The following SYN2 variants were observed in gnomAD, a reference collection of about 807,000 sequenced individuals.
SYN2 encodes the protein synapsin-2.
Under a neutral mutation model 50.9 loss-of-function variants are expected in SYN2, and 19 were observed. That is an observed-to-expected ratio of 0.37 (90% confidence interval 0.26 to 0.55). SYN2 has a LOEUF of 0.55. Ranked by LOEUF, SYN2 falls within the 20% of genes least tolerant of loss-of-function variation. The pLI, the probability that SYN2 is intolerant of heterozygous loss-of-function variation, is 0.81. For missense variants in SYN2, 587 were observed against 576.4 expected, an observed-to-expected ratio of 1.02 and a Z score of -0.19; for synonymous variants, 255 against 224.9, an observed-to-expected ratio of 1.13 and a Z score of -1.20.
intron 1 of SYN2, among the ~76,000 whole-genome samples, chr3:12,134,058 T>G (rs1416954266): frequency 6.6e-6 from 1 of 152,164 alleles, no homozygotes; most frequent in Non-Finnish European, 1.5e-5. Context: ...GTGAATACCA[T>G]TGAAGTGTAT....
intron 1 of SYN2, among the ~76,000 whole-genome samples, chr3:12,067,098 C>T (rs1456341540): frequency 6.6e-6 from 1 of 152,116 alleles, no homozygotes; most frequent in South Asian, 2.1e-4. Context: ...GGGTCCCTCC[C>T]ACGACATGTG....
intron 1 of SYN2, among the ~76,000 whole-genome samples, chr3:12,107,330 G>A (rs1373046053): frequency 3.3e-5 from 5 of 152,134 alleles, no homozygotes; most frequent in African/African-American, 9.7e-5. Context: ...TAATGCTAAT[G>A]TTTTTCTTCC....
intron 1 of SYN2, among the ~76,000 whole-genome samples, chr3:12,135,911 C>A (rs1189434417): frequency 6.6e-6 from 1 of 152,108 alleles, no homozygotes; most frequent in Non-Finnish European, 1.5e-5. Context: ...AGGCCTAGAG[C>A]ATATAATCAA....
intron 1 of SYN2, among the ~76,000 whole-genome samples, chr3:12,089,763 G>A (rs547710300): frequency 2.6e-5 from 4 of 152,290 alleles, no homozygotes; most frequent in Non-Finnish European, 4.4e-5. Flanking sequence ...GGGGAGTCAA[G>A]GGAAGATAAT....
At chr3:12,102,403 A>G (rs1279251828) in intron 1 of SYN2, among the ~76,000 whole-genome samples, 3 of 152,176 alleles carry the variant, frequency 2.0e-5, no homozygotes, top group South Asian at 2.1e-4. Context: ...GAGTCAGGCA[A>G]TAACAGAATA....
At chr3:12,114,116 C>CTT (rs879363432) in intron 1 of SYN2, among the ~76,000 whole-genome samples, 2 of 144,546 alleles carry the variant, frequency 1.4e-5, no homozygotes, top group Non-Finnish European at 3.1e-5. Context: ...AATAGTCCAT[C>CTT]TTTTTTTTTT....
Position 12,054,726 on chromosome 3 carries a change from A to G in SYN2, c.377+49798A>G, listed in dbSNP as rs547362626. Among the ~76,000 whole-genome samples, 87 of 145,238 alleles carry G rather than the reference A, an allele frequency of 6.0e-4. No individual in the cohort carries two copies. The Middle Eastern group carries it at 0.01, about 18-fold the overall frequency. On this transcript the variant is annotated intron_variant, in intron 1 of 12. Transcript: ENST00000621198. ...GAGTAGTTCCAGTTTCTTGGATCCC[A>G]CTTTTTCTTTTTTGCTTAGCTTTAC...
chr3:12,092,960 G>A (rs528706612), intron 1 of SYN2, among the ~76,000 whole-genome samples: 2 of 152,190 alleles, frequency 1.3e-5, no homozygotes, highest in African/African-American at 4.8e-5. Flanking sequence ...CTCACTGGGG[G>A]TTCTCTGTGA....
chr3:12,180,262 A>G (rs1416412892), intron 10 of SYN2, among the ~76,000 whole-genome samples: 2 of 139,488 alleles, frequency 1.4e-5, no homozygotes, highest in Admixed American at 7.3e-5. Context: ...TTTTTTTTTT[A>G]TGCTACTATA....
At chr3:12,063,652 T>G (rs1481604126) in intron 1 of SYN2, among the ~76,000 whole-genome samples, 1 of 151,956 alleles carries the variant, frequency 6.6e-6, no homozygotes, top group African/African-American at 2.4e-5. Flanking sequence ...CAGTTTCATA[T>G]AGAAATATTT....
In SYN2 at chr3:12,156,795, G is replaced by A. The variant is rs560908062; in HGVS notation, c.775-4751G>A. 74 of 1,574,072 alleles carry A rather than the reference G, an allele frequency of 4.7e-5. 4 individuals carry two copies. The South Asian group carries it at 7.8e-4, about 16-fold the overall frequency. ...CTAGGGCAGAATCTATTATATTAAG[G>A]CCAGTTGTTGGTCTTTTAACTTACC... On this transcript the variant is annotated intron_variant, in intron 5 of 12. Coordinates refer to ENST00000621198, the MANE Select transcript of SYN2 (RefSeq NM_133625.6).
intron 1 of SYN2, among the ~76,000 whole-genome samples, chr3:12,112,626 C>T (rs181721432): frequency 1.1e-3 from 173 of 152,156 alleles, no homozygotes; most frequent in African/African-American, 3.9e-3. Flanking sequence ...CCCTATAAAC[C>T]TTGTTAATTA....
At position 12,043,791 on chromosome 3, in the gene SYN2, C is replaced by G. The variant is rs564414467; in HGVS notation, c.377+38863C>G. 2.6e-5 allele frequency among the ~76,000 whole-genome samples: 4 copies of G among 152,230 alleles called. No homozygotes were observed. The East Asian group carries it at 5.8e-4, about 22-fold the overall frequency. ...AAAAGTCTCAGCATCTGTCTTCCCC[C>G]ACGTCTGTACCTATTTCTCACCTAC... is the stretch of plus-strand genomic sequence containing the variant. On this transcript the variant is annotated intron_variant, in intron 1 of 12. Transcript: ENST00000621198.
At chr3:12,135,747 C>T (rs1178439531) in intron 1 of SYN2, among the ~76,000 whole-genome samples, 1 of 152,144 alleles carries the variant, frequency 6.6e-6, no homozygotes, top group Non-Finnish European at 1.5e-5. Context: ...TAGGCTCTGT[C>T]CTGAGGGTGC....
intron 1 of SYN2, chr3:12,070,542 G>A (rs1312004879): frequency 9.0e-6 from 9 of 997,156 alleles, no homozygotes; most frequent in Non-Finnish European, 1.4e-5. Flanking sequence ...GGAGCACCTG[G>A]TGCTGCTGAC....
intron 1 of SYN2, among the ~76,000 whole-genome samples, chr3:12,121,909 G>A (rs1696568951): frequency 6.6e-6 from 1 of 152,150 alleles, no homozygotes; most frequent in South Asian, 2.1e-4. Flanking sequence ...TGGTAAGACG[G>A]GGCAGCAGGC....
rs1698368408 is a variant in SYN2 at position 12,187,543 on chromosome 3, G to C, written c.1544G>C (p.Ser515Thr). Reference protein sequence around the residue: ...TTHGDAPSSSSSLAEAQPPLA... With the variant: ...TTHGDAPSSSTSLAEAQPPLA... ...CACGGAGATGCACCCTCCAGCAGCA[G>C]CTCCCTGGCAGAGGCCCAGCCACCC... The change falls in exon 12 of 13, where the codon AGC (serine) becomes ACC (threonine). Residue 515 changes from serine (S) to threonine (T), a missense_variant. Coordinates refer to ENST00000621198, the MANE Select transcript of SYN2 (RefSeq NM_133625.6). 2.6e-6 allele frequency: 4 copies of C among 1,552,294 alleles called. No individual in the cohort carries two copies. Among genetic ancestry groups the C allele is most frequent in the Non-Finnish European group, 3.5e-6 (4 of 1,147,224 alleles).
At chr3:12,177,355 G>C (rs1489202397) in intron 10 of SYN2, among the ~76,000 whole-genome samples, 1 of 152,164 alleles carries the variant, frequency 6.6e-6, no homozygotes, top group African/African-American at 2.4e-5. Flanking sequence ...GTTAGTGTTA[G>C]TGTATGTGTG....
chr3:12,151,451 C>CTATAGAG (rs1481178606), intron 5 of SYN2, 125 bp downstream of exon 5: 7 of 711,018 alleles, frequency 9.8e-6, no homozygotes, highest in Non-Finnish European at 1.7e-5. Context: ...TGGGGTTGAA[C>CTATAGAG]TATAGAGCTT....
Sources: allele counts gnomAD v4.1 joint callset (sites outside exome capture counted in the v4.1 genomes callset), GRCh38; gene constraint gnomAD v4.1.1; transcripts MANE v1.5; gene names NCBI Gene and HGNC (gene_info 2026-07-23, HGNC 2026-07-21).